The following PHF24 variants were observed in gnomAD, a reference collection of about 807,000 sequenced individuals.
PHF24 encodes PHD finger protein 24, also known as Galpha inhibitory interacting protein.
PHF24 carries 25 observed loss-of-function variants against 42.6 expected under a neutral mutation model. That is an observed-to-expected ratio of 0.59 (90% CI 0.43 to 0.82). The LOEUF (loss-of-function observed/expected upper bound fraction) is 0.82. PHF24 is among the 40% of genes least tolerant of loss of function. PHF24 has a pLI of 0.00. For missense variants in PHF24, 470 were observed against 538.1 expected, an observed-to-expected ratio of 0.87 and a Z score of 1.25; for synonymous variants, 185 against 204.8, an observed-to-expected ratio of 0.90 and a Z score of 0.83.
the PHF24 span, among the ~76,000 whole-genome samples, chr9:34,759,962 G>A: frequency 6.6e-6 from 1 of 152,172 alleles, no homozygotes; most frequent in South Asian, 2.1e-4. Context: ...GTGCGGACAG[G>A]ACAGTGGGAT....
chr9:34,710,334 A>G, the PHF24 span, among the ~76,000 whole-genome samples: 2 of 152,066 alleles, frequency 1.3e-5, no homozygotes, highest in Non-Finnish European at 2.9e-5. Flanking sequence ...CCTTCCTTCT[A>G]TTCCCAGCTA....
chr9:34,724,434 G>T, the PHF24 span: 1 of 1,551,222 alleles, frequency 6.4e-7, no homozygotes, highest in Non-Finnish European at 8.7e-7. Context: ...GTCTCCCCTT[G>T]GTGGTTTAGA....
the PHF24 span, among the ~76,000 whole-genome samples, chr9:34,927,884 T>TG: frequency 1.3e-5 from 2 of 152,302 alleles, no homozygotes; most frequent in East Asian, 3.9e-4. Flanking sequence ...ATGTCACTAT[T>TG]GAAGGATTTT....
chr9:34,833,120 C>G, the PHF24 span: 26 of 1,551,460 alleles, frequency 1.7e-5, no homozygotes, highest in African/African-American at 3.3e-4. Flanking sequence ...ATCCCCTTCT[C>G]TGTAGTCCCT....
chr9:34,666,469 C>T, the PHF24 span, among the ~76,000 whole-genome samples: 1 of 151,890 alleles, frequency 6.6e-6, no homozygotes, highest in Non-Finnish European at 1.5e-5. Context: ...ACGGAAATAC[C>T]TAGTTGAGTG....
At chr9:34,761,015 T>C in the PHF24 span, among the ~76,000 whole-genome samples, 1 of 151,378 alleles carries the variant, frequency 6.6e-6, no homozygotes. Flanking sequence ...AGTAATCTGC[T>C]CCAGTGCTTC....
At chr9:34,735,133 CTTTT>C in the PHF24 span, among the ~76,000 whole-genome samples, 21 of 112,492 alleles carry the variant, frequency 1.9e-4, no homozygotes, top group African/African-American at 4.1e-4. Context: ...TTTCTTTTTT[CTTTT>C]TTTTTTTTTT....
At chr9:34,682,729 A>T in the PHF24 span, among the ~76,000 whole-genome samples, 4 of 152,162 alleles carry the variant, frequency 2.6e-5, no homozygotes, top group African/African-American at 9.7e-5. Flanking sequence ...CCTCTGCACT[A>T]GGACTTGGAC....
At chr9:34,910,765 A>G in the PHF24 span, among the ~76,000 whole-genome samples, 2 of 152,074 alleles carry the variant, frequency 1.3e-5, no homozygotes, top group Non-Finnish European at 2.9e-5. Flanking sequence ...CTTTTAGTTT[A>G]CCCTATAGAA....
chr9:34,723,049 T>G, the PHF24 span: 3 of 737,998 alleles, frequency 4.1e-6, no homozygotes, highest in South Asian at 4.1e-5. Flanking sequence ...AGACAGACAA[T>G]GTATTGCTGA....
chr9:34,707,396 G>T, the PHF24 span, among the ~76,000 whole-genome samples: 1 of 152,190 alleles, frequency 6.6e-6, no homozygotes, highest in African/African-American at 2.4e-5. Context: ...TGGCAGGTGG[G>T]ATCCCACAAG....
chr9:34,710,177 C>G, the PHF24 span: 1 of 800,654 alleles, frequency 1.2e-6, no homozygotes, highest in Non-Finnish European at 2.0e-6. Context: ...TAGCTAGACA[C>G]TTTCACTTCC....
chr9:34,977,205 T>G, exon 6 of PHF24: 1 of 1,612,890 alleles, frequency 6.2e-7, no homozygotes, highest in Non-Finnish European at 8.5e-7. Flanking sequence ...ACTCTTGGTT[T>G]TGCAAACGGT....
At chr9:34,746,061 G>A in the PHF24 span, among the ~76,000 whole-genome samples, 2 of 152,122 alleles carry the variant, frequency 1.3e-5, no homozygotes, top group Admixed American at 1.3e-4. Context: ...AATGACAAGG[G>A]CTAACAGGCC....
At chr9:34,825,124 G>A in the PHF24 span, among the ~76,000 whole-genome samples, 1 of 151,932 alleles carries the variant, frequency 6.6e-6, no homozygotes, top group Admixed American at 6.6e-5. Context: ...ATGGTTTCCC[G>A]AGGATAACGT....
At chr9:34,868,529 C>A in the PHF24 span, among the ~76,000 whole-genome samples, 1 of 152,194 alleles carries the variant, frequency 6.6e-6, no homozygotes, top group African/African-American at 2.4e-5. Flanking sequence ...AACAGGAAAT[C>A]ACTGTCATTC....
At chr9:34,727,122 C>G in the PHF24 span, 1 of 1,419,646 alleles carries the variant, frequency 7.0e-7, no homozygotes, top group Admixed American at 2.8e-5. Flanking sequence ...GTCTACCTGT[C>G]TGCTTTCCTT....
At chr9:34,922,585 C>G in the PHF24 span, 1 of 965,682 alleles carries the variant, frequency 1.0e-6, no homozygotes, top group Non-Finnish European at 1.7e-6. Context: ...AATTTGCTCT[C>G]GCTTGTGAAG....
At chr9:34,680,835 G>A in the PHF24 span, 1 of 152,168 alleles carries the variant, frequency 6.6e-6, no homozygotes, top group South Asian at 2.1e-4. Context: ...CATGTGAAAT[G>A]TGTCTATTTT....
Sources: gnomAD v4.1 joint callset for allele counts (sites outside exome capture counted in the v4.1 genomes callset) on GRCh38, gnomAD v4.1.1 for gene constraint, MANE v1.5 for transcripts, NCBI Gene and HGNC (gene_info 2026-07-23, HGNC 2026-07-21) for gene names.